Variants in SLC15A1 observed in about 807,000 individuals in gnomAD.
SLC15A1 encodes the protein Caco-2 oligopeptide transporter.
Under a neutral mutation model 92.9 loss-of-function variants are expected in SLC15A1, and 83 were observed. The ratio of observed to expected loss-of-function variants is 0.89; its 90% CI spans 0.75 to 1.07. The LOEUF is 1.07. Among genes scored for constraint, SLC15A1 ranks in the 50% least tolerant of loss-of-function variants. The pLI is 0.00. For missense variants in SLC15A1, 857 were observed against 880.1 expected (o/e 0.97, Z 0.33); for synonymous variants, 322 against 318.2 (o/e 1.01, Z -0.13).
intron 5 of SLC15A1, 59 bp from the exon 6 acceptor site, chr13:98,721,962 CT>C: frequency 6.9e-7 from 1 of 1,445,380 alleles, no homozygotes; most frequent in Non-Finnish European, 9.6e-7. Context: ...GAAGGCCTCT[CT>C]TTTCCCCAGT....
At chr13:98,688,162 A>G in intron 20 of SLC15A1, 86 bp downstream of exon 20, 1 of 887,086 alleles carries the variant, frequency 1.1e-6, no homozygotes, top group South Asian at 1.6e-5. Flanking sequence ...ACTCTAGTTA[A>G]ATCATATTAT....
chr13:98,732,927 G>A (rs950942610), intron 1 of SLC15A1, among the ~76,000 whole-genome samples: 4 of 152,178 alleles, frequency 2.6e-5, no homozygotes, highest in Non-Finnish European at 4.4e-5. Context: ...CCCTCCCATG[G>A]CAAAAGGGTC....
intron 22 of SLC15A1, among the ~76,000 whole-genome samples, chr13:98,685,160 C>A (rs1350752226): frequency 6.6e-6 from 1 of 152,138 alleles, no homozygotes; most frequent in African/African-American, 2.4e-5. Context: ...AAACAACAGA[C>A]TTTGGGAAGA....
intron 7 of SLC15A1, chr13:98,720,841 G>A (rs149033964): frequency 0.015 from 4,614 of 309,110 alleles, 84 homozygotes; most frequent in East Asian, 0.071. Context: ...ACGAGGGCAG[G>A]AGATCGAGAC....
intron 1 of SLC15A1, among the ~76,000 whole-genome samples, chr13:98,741,294 C>T (rs1428033769): frequency 6.6e-6 from 1 of 152,214 alleles, no homozygotes; most frequent in Non-Finnish European, 1.5e-5. Context: ...CTGTGCCCAT[C>T]CTCAACTGCT....
chr13:98,692,136 C>CT (rs528865683), intron 18 of SLC15A1, among the ~76,000 whole-genome samples: 1,071 of 67,540 alleles, frequency 0.016, 62 homozygotes, highest in African/African-American at 0.018. Flanking sequence ...TTCTCCTAAA[C>CT]TTTTTTTTTT....
Position 98,687,634 on chromosome 13 carries a change from T to C in SLC15A1, c.1774A>G (p.Thr592Ala), listed in dbSNP as rs1274555633. The change falls in exon 21 of 23, where the codon ACC (threonine) becomes GCC (alanine). Residue 592 changes from threonine to alanine, a missense_variant. Coordinates refer to ENST00000376503, the MANE Select transcript of SLC15A1 (RefSeq NM_005073.4). ...ALQIPQYFLL[T>A]CGEVVFSVTG... Reference sequence around the variant, plus strand: ...ACAGAGAAGACCACTTCGCCACAGGTGAGAAGAAAATACTGCGGGATTTGC... The same window carrying C: ...ACAGAGAAGACCACTTCGCCACAGGCGAGAAGAAAATACTGCGGGATTTGC... 6.2e-7 allele frequency: 1 copy of C among 1,614,064 alleles called. No homozygotes were observed. Among genetic ancestry groups the C allele is most frequent in the African/African-American group, 1.3e-5 (1 of 75,006 alleles).
At chr13:98,749,226 C>T (rs1257193039) in intron 1 of SLC15A1, among the ~76,000 whole-genome samples, 1 of 152,158 alleles carries the variant, frequency 6.6e-6, no homozygotes, top group East Asian at 1.9e-4. Flanking sequence ...GTGTGAGGGA[C>T]CTTCACAGCC....
At chr13:98,701,843 T>A (rs9513467) in intron 18 of SLC15A1, among the ~76,000 whole-genome samples, 14 of 151,752 alleles carry the variant, frequency 9.2e-5, no homozygotes, top group African/African-American at 3.4e-4. Context: ...GCTATTTTTT[T>A]TAAAAATTTT....
chr13:98,705,202 G>GAA (rs33982897), intron 16 of SLC15A1, among the ~76,000 whole-genome samples: 76,921 of 126,870 alleles, frequency 0.61, 23,553 homozygotes, highest in Middle Eastern at 0.67. Context: ...CTGTATTTAA[G>GAA]AAAAAAAAAA....
chr13:98,703,445 C>G (rs1456541842), intron 17 of SLC15A1, among the ~76,000 whole-genome samples: 1 of 150,994 alleles, frequency 6.6e-6, no homozygotes, highest in Non-Finnish European at 1.5e-5. Context: ...TATTGCAGTT[C>G]CGTAGAAGCT....
At chr13:98,726,491 C>G (rs757619376) in intron 2 of SLC15A1, 42 bp from the exon 3 acceptor site, 3 of 1,570,494 alleles carry the variant, frequency 1.9e-6, no homozygotes, top group East Asian at 2.3e-5. Flanking sequence ...ATACACCCCC[C>G]ACTGGTCCAT....
At chr13:98,703,624 A>G (rs1289426328) in intron 17 of SLC15A1, among the ~76,000 whole-genome samples, 1 of 133,950 alleles carries the variant, frequency 7.5e-6, no homozygotes, top group African/African-American at 3.0e-5. Flanking sequence ...TGGCATGAAC[A>G]TGGCTCACTG....
At chr13:98,742,138 G>A (rs1269229878) in intron 1 of SLC15A1, among the ~76,000 whole-genome samples, 1 of 152,214 alleles carries the variant, frequency 6.6e-6, no homozygotes, top group Admixed American at 6.5e-5. Context: ...AGGCCGTGAG[G>A]GGCTCCACCT....
intron 1 of SLC15A1, among the ~76,000 whole-genome samples, chr13:98,741,489 A>G (rs925450384): frequency 6.6e-6 from 1 of 152,044 alleles, no homozygotes; most frequent in African/African-American, 2.4e-5. Flanking sequence ...CAATCCCAGT[A>G]CTTTGGGAGG....
chr13:98,696,071 C>A (rs1200216168), intron 18 of SLC15A1, among the ~76,000 whole-genome samples: 1 of 151,312 alleles, frequency 6.6e-6, no homozygotes, highest in Non-Finnish European at 1.5e-5. Flanking sequence ...TTGCTAATCT[C>A]GTGGGTCTGT....
intron 20 of SLC15A1, 93 bp downstream of exon 20, chr13:98,688,155 C>T: frequency 1.2e-6 from 1 of 816,672 alleles, no homozygotes; most frequent in Non-Finnish European, 2.0e-6. Flanking sequence ...TAATATCACT[C>T]TAGTTAAATC....
intron 1 of SLC15A1, among the ~76,000 whole-genome samples, chr13:98,742,409 C>T (rs2088455886): frequency 6.6e-6 from 1 of 152,210 alleles, no homozygotes; most frequent in African/African-American, 2.4e-5. Context: ...CCTGCCTTCA[C>T]CTTCCTTTAA....
At chr13:98,745,950 G>A (rs150693576) in intron 1 of SLC15A1, among the ~76,000 whole-genome samples, 4 of 151,938 alleles carry the variant, frequency 2.6e-5, no homozygotes, top group African/African-American at 9.7e-5. Context: ...TCAGGGTTTT[G>A]ATGCTCAGAT....
Sources: gnomAD v4.1 joint callset for allele counts (sites outside exome capture counted in the v4.1 genomes callset) on GRCh38, gnomAD v4.1.1 for gene constraint, MANE v1.5 for transcripts, NCBI Gene and HGNC (gene_info 2026-07-23, HGNC 2026-07-21) for gene names.